Variants in MED12L observed in about 807,000 individuals in gnomAD.
MED12L encodes mediator of RNA polymerase II transcription subunit 12-like protein.
Under a neutral mutation model 281.3 loss-of-function variants are expected in MED12L, and 60 were observed. The ratio of observed to expected loss-of-function variants is 0.21; its 90% CI spans 0.17 to 0.26. The LOEUF (loss-of-function observed/expected upper bound fraction) is 0.26. Ranked by LOEUF, MED12L falls within the 10% of genes least tolerant of loss-of-function variation. The pLI is 1.00. For missense variants in MED12L, 2,146 were observed against 2,680.9 expected (o/e 0.80, Z 4.41); for synonymous variants, 974 against 987.2 (o/e 0.99, Z 0.25).
intron 35 of MED12L, 48 bp downstream of exon 35, chr3:151,384,266 T>A (rs1291502615): frequency 6.5e-7 from 1 of 1,530,850 alleles, no homozygotes; most frequent in East Asian, 2.3e-5. Flanking sequence ...GTTTATGGAT[T>A]TATTATCTAG....
intron 11 of MED12L, among the ~76,000 whole-genome samples, chr3:151,170,493 CT>C (rs1354634101): frequency 1.3e-5 from 2 of 151,910 alleles, no homozygotes; most frequent in Non-Finnish European, 2.9e-5. Context: ...CCAGGCTGTT[CT>C]TGAACTCTTG....
chr3:151,284,417 T>C (rs1291697546), intron 16 of MED12L, among the ~76,000 whole-genome samples: 2 of 152,174 alleles, frequency 1.3e-5, no homozygotes, highest in Non-Finnish European at 1.5e-5. Context: ...TGTGGTTATC[T>C]TGGTAATTTA....
chr3:151,322,642 T>A lies in MED12L; in HGVS notation c.2251-27417T>A, dbSNP rs139714199. ...CCTTATAGTTGTAGATTCATCACTTTTGACTAAATTTAGAGTGTATAATTC... is the reference window on the plus strand; with the variant it reads ...CCTTATAGTTGTAGATTCATCACTTATGACTAAATTTAGAGTGTATAATTC... On this transcript the variant is annotated intron_variant, in intron 16 of 44. Transcript: ENST00000687756. 3.1e-3 allele frequency among the ~76,000 whole-genome samples: 468 copies of A among 152,292 alleles called. 3 individuals carry two copies. The highest frequency in any genetic ancestry group is 0.011 in the African/African-American group (448 of 41,560).
At position 151,435,755 on chromosome 3, in the gene MED12L, A is replaced by T. The variant is rs116365309; in HGVS notation, c.*2951A>T. 1,137 of 152,324 alleles carry T rather than the reference A, an allele frequency of 7.5e-3. 14 individuals are homozygous for T. Among genetic ancestry groups the T allele is most frequent in the African/African-American group, 0.026 (1,085 of 41,568 alleles). 9.4% of individuals were successfully genotyped at this position (152,324 alleles called of 1,614,324 possible). A position where few individuals can be genotyped will look rare whatever the true frequency, so the allele number is the denominator to read the frequency against. ...ATTCAGGTTGAATTAAGCATGTAAT[A>T]TAAATTCAGTGAATTACAAAAACAC... On this transcript the variant is annotated 3_prime_UTR_variant, in exon 45 of 45. Coordinates refer to ENST00000687756, the MANE Select transcript of MED12L (RefSeq NM_001393769.1).
At chr3:151,251,486 G>T (rs1294706114) in intron 16 of MED12L, among the ~76,000 whole-genome samples, 1 of 152,048 alleles carries the variant, frequency 6.6e-6, no homozygotes, top group Non-Finnish European at 1.5e-5. Flanking sequence ...CACCCACAGG[G>T]TGTGTCCTCC....
At chr3:151,127,290 A>G (rs960056554) in intron 4 of MED12L, among the ~76,000 whole-genome samples, 3 of 152,212 alleles carry the variant, frequency 2.0e-5, no homozygotes, top group African/African-American at 7.2e-5. Context: ...CTGATCCATC[A>G]TTGTAGTCTC....
chr3:151,435,187 A>T lies in MED12L; in HGVS notation c.*2383A>T, dbSNP rs1459872014. 2 of 147,192 alleles carry T rather than the reference A, an allele frequency of 1.4e-5. No homozygotes were observed. Among genetic ancestry groups the T allele is most frequent in the Non-Finnish European group, 3.0e-5 (2 of 67,436 alleles). 9.1% of individuals were successfully genotyped at this position (147,192 alleles called of 1,614,324 possible). A position where few individuals can be genotyped will look rare whatever the true frequency, so the allele number is the denominator to read the frequency against. ...CCAGAGGAAATTACCTTAGAATAAG[A>T]TGGAGCGAGACCCCAGCTCCCCTTA... On this transcript the variant is annotated 3_prime_UTR_variant, in exon 45 of 45. Coordinates refer to ENST00000687756, the MANE Select transcript of MED12L (RefSeq NM_001393769.1).
At chr3:151,112,853 C>T (rs556783932) in intron 2 of MED12L, among the ~76,000 whole-genome samples, 2 of 152,234 alleles carry the variant, frequency 1.3e-5, no homozygotes, top group South Asian at 4.1e-4. Flanking sequence ...TCAGAATATG[C>T]TCATGTTAAT....
At chr3:151,205,207 C>T (rs1027226935) in intron 16 of MED12L, among the ~76,000 whole-genome samples, 17 of 152,274 alleles carry the variant, frequency 1.1e-4, no homozygotes, top group Non-Finnish European at 2.1e-4. Flanking sequence ...CGGGAAGTTG[C>T]ATGTCATCAC....
intron 16 of MED12L, among the ~76,000 whole-genome samples, chr3:151,194,119 C>G (rs554257058): frequency 4.6e-4 from 70 of 152,120 alleles, no homozygotes; most frequent in African/African-American, 1.7e-3. Flanking sequence ...GCACCTGCCA[C>G]CACGCCTGGC....
chr3:151,378,903 T>A (rs1287233044), intron 31 of MED12L, among the ~76,000 whole-genome samples: 1 of 152,260 alleles, frequency 6.6e-6, no homozygotes, highest in South Asian at 2.1e-4. Context: ...AAACTCATTA[T>A]GTACATGAGC....
intron 12 of MED12L, chr3:151,188,124 C>T (rs762101246): frequency 6.5e-6 from 2 of 306,980 alleles, no homozygotes; most frequent in African/African-American, 2.1e-5. Flanking sequence ...ACCCTGAACG[C>T]GCCCGATCTC....
At chr3:151,379,897 T>C (rs1711939801) in intron 31 of MED12L, among the ~76,000 whole-genome samples, 1 of 152,180 alleles carries the variant, frequency 6.6e-6, no homozygotes, top group Non-Finnish European at 1.5e-5. Flanking sequence ...AGTTTGAGAA[T>C]GGCTTCGAGG....
At chr3:151,349,685 G>C (rs557758414) in intron 16 of MED12L, among the ~76,000 whole-genome samples, 2 of 152,236 alleles carry the variant, frequency 1.3e-5, no homozygotes, top group East Asian at 3.9e-4. Context: ...CTTATGAAGA[G>C]ATAACATTTT....
intron 16 of MED12L, among the ~76,000 whole-genome samples, chr3:151,299,095 C>T (rs559823619): frequency 6.6e-6 from 1 of 152,232 alleles, no homozygotes; most frequent in South Asian, 2.1e-4. Context: ...GCTTAATTAC[C>T]ATTTCTCTTG....
At chr3:151,337,822 T>A (rs757399384) in intron 16 of MED12L, 1 of 1,613,808 alleles carries the variant, frequency 6.2e-7, no homozygotes. Flanking sequence ...TTTGTTTACA[T>A]TGGAGTCTCT....
chr3:151,386,957 G>A (rs1323392615), intron 36 of MED12L, among the ~76,000 whole-genome samples: 2 of 152,046 alleles, frequency 1.3e-5, no homozygotes, highest in African/African-American at 4.8e-5. Context: ...GATCCCACCC[G>A]CCTCAGCCTC....
intron 16 of MED12L, among the ~76,000 whole-genome samples, chr3:151,228,489 T>C: frequency 6.6e-6 from 1 of 152,146 alleles, no homozygotes; most frequent in East Asian, 1.9e-4. Context: ...AAGTTGACGC[T>C]CTTCTACACT....
Position 151,116,219 on chromosome 3 carries a change from C to G in MED12L, c.100-119C>G. On this transcript the variant is annotated intron_variant, in intron 2 of 44. Coordinates refer to ENST00000687756, the MANE Select transcript of MED12L (RefSeq NM_001393769.1). ...ATTTCTGCCTTCTCTGATTGTTGTC[C>G]TTTCAAGAGTTCTCCTCTACAGAGT... The G allele has an allele frequency of 4.8e-6, 3 of 626,090 alleles. No homozygotes were observed. In the South Asian group the frequency reaches 6.5e-5, roughly 14 times the overall value. The allele number at this position is 626,090 out of a possible 1,614,324, so 38.8% of individuals were successfully genotyped here. A position where few individuals can be genotyped will look rare whatever the true frequency, so the allele number is the denominator to read the frequency against.
Sources: allele counts gnomAD v4.1 joint callset (sites outside exome capture counted in the v4.1 genomes callset), GRCh38; gene constraint gnomAD v4.1.1; transcripts MANE v1.5; gene names NCBI Gene and HGNC (gene_info 2026-07-23, HGNC 2026-07-21).